OSTM1: variants seen among roughly 807,000 people sequenced by gnomAD.
The protein encoded by OSTM1 is osteopetrosis-associated transmembrane protein 1.
A neutral mutation model predicts 35.4 loss-of-function variants in OSTM1; 26 were observed. The observed-to-expected ratio is 0.73, with a 90% confidence interval of 0.54 to 1.02. OSTM1 has a LOEUF of 1.02. Ranked by LOEUF, OSTM1 falls within the 50% of genes least tolerant of loss-of-function variation. The probability of loss-of-function intolerance (pLI) is 0.00; values close to 1 mark genes in which losing one functional copy is unlikely to be tolerated. For synonymous variants in OSTM1, 181 were observed against 165.0 expected, an observed-to-expected ratio of 1.10 and a Z score of -0.75; for missense variants, 366 against 409.6, an observed-to-expected ratio of 0.89 and a Z score of 0.92.
intron 2 of OSTM1, among the ~76,000 whole-genome samples, chr6:108,063,393 A>G (rs563105411): frequency 6.6e-5 from 10 of 152,296 alleles, no homozygotes; most frequent in African/African-American, 2.2e-4. Flanking sequence ...AGTCATTTCA[A>G]ATTCTCCCCA....
At chr6:108,066,217 G>A (rs1029045401) in intron 1 of OSTM1, among the ~76,000 whole-genome samples, 6 of 152,144 alleles carry the variant, frequency 3.9e-5, no homozygotes, top group Non-Finnish European at 7.3e-5. Context: ...TCTTTAGGCC[G>A]TGATATGTAG....
rs946980205 is a variant in OSTM1, at chr6:108,074,729, G to A, written c.-78C>T. On this transcript the variant is annotated 5_prime_UTR_variant, in exon 1 of 6. Transcript: ENST00000193322. ...GGCACCGCGGACAGCCGCCGCTTCC[G>A]GTTTCCGCGAGCGCAGGCCGAGAGC... The A allele has an allele frequency of 7.1e-7, 1 of 1,402,738 alleles. No individual in the cohort carries two copies. The highest frequency in any genetic ancestry group is 9.3e-7 in the Non-Finnish European group (1 of 1,079,930). The allele number at this position is 1,402,738 out of a possible 1,614,324, so 86.9% of individuals were successfully genotyped here.
chr6:108,044,977 A>C, intron 5 of OSTM1, 137 bp from the exon 6 acceptor site: 2 of 438,160 alleles, frequency 4.6e-6, no homozygotes, highest in Non-Finnish European at 7.7e-6. Context: ...TATAAGAATT[A>C]AAACCTAATT....
At position 108,074,591 on chromosome 6, in the gene OSTM1, C is replaced by A. The variant is rs1772557662; in HGVS notation, c.61G>T (p.Gly21Trp). ...RCSLPPWLPL[G>W]LLLWSGLALG... Reference sequence around the variant, plus strand: ...GCCAGCCCCGACCACAGCAGCAGCCCCAGCGGCAGCCACGGCGGCAACGAA... The same window carrying A: ...GCCAGCCCCGACCACAGCAGCAGCCACAGCGGCAGCCACGGCGGCAACGAA... The change falls in exon 1 of 6, where the codon GGG (glycine) becomes TGG (tryptophan). Residue 21 changes from glycine to tryptophan, a missense_variant. Around this residue, in one of 3 missense-constraint regions of OSTM1, gnomAD observed 236 missense variants for 239.3 expected, o/e 0.99. Transcript: ENST00000193322. 1 of 1,565,168 alleles carries A rather than the reference C, an allele frequency of 6.4e-7. No individual in the cohort carries two copies. Among genetic ancestry groups the A allele is most frequent in the Non-Finnish European group, 8.6e-7 (1 of 1,160,264 alleles).
chr6:108,048,993 C>T (rs1340098079), intron 5 of OSTM1, among the ~76,000 whole-genome samples: 5 of 151,922 alleles, frequency 3.3e-5, no homozygotes, highest in African/African-American at 1.2e-4. Flanking sequence ...CCTCGTGATC[C>T]GCCCACCTCA....
At chr6:108,070,886 G>A (rs1312780280) in intron 1 of OSTM1, among the ~76,000 whole-genome samples, 13 of 112,292 alleles carry the variant, frequency 1.2e-4, no homozygotes, top group African/African-American at 3.1e-4. Context: ...GGGAAACTCC[G>A]TCTCAAAAAA....
intron 3 of OSTM1, among the ~76,000 whole-genome samples, 194 bp from the exon 4 acceptor site, chr6:108,051,392 G>C (rs115875564): frequency 6.6e-6 from 1 of 152,262 alleles, no homozygotes; most frequent in African/African-American, 2.4e-5. Flanking sequence ...ACCTCTACCT[G>C]TATTATAAGT....
chr6:108,065,226 T>C (rs1189890755), intron 1 of OSTM1, among the ~76,000 whole-genome samples: 2 of 150,828 alleles, frequency 1.3e-5, no homozygotes, highest in Non-Finnish European at 2.9e-5. Flanking sequence ...TAGAAGAAAA[T>C]TTTCTATTAT....
At chr6:108,059,997 T>C (rs368550453) in intron 2 of OSTM1, among the ~76,000 whole-genome samples, 2 of 152,366 alleles carry the variant, frequency 1.3e-5, no homozygotes, top group African/African-American at 2.4e-5. Flanking sequence ...ATTAAATGTA[T>C]ATGGCATAAA....
intron 4 of OSTM1, among the ~76,000 whole-genome samples, chr6:108,050,509 G>A (rs528440985): frequency 2.6e-5 from 4 of 152,116 alleles, no homozygotes; most frequent in South Asian, 2.1e-4. Flanking sequence ...GATAACAGGC[G>A]TGTGCCACTA....
rs1389499042 is a variant in OSTM1 at position 108,074,489 on chromosome 6, C to T, written c.163G>A (p.Val55Met). 1.3e-6 allele frequency: 2 copies of T among 1,558,132 alleles called. No homozygotes were observed. The highest frequency in any genetic ancestry group is 2.4e-5 in the East Asian group (1 of 41,440). The change falls in exon 1 of 6, where the codon GTG becomes ATG. Residue 55 changes from valine (V) to methionine (M), a missense_variant. Val to Met is a conservative substitution (Grantham distance 21). Around this residue, in one of 3 missense-constraint regions of OSTM1, gnomAD observed 236 missense variants for 239.3 expected, o/e 0.99. Transcript: ENST00000193322. ...DLLSEQQLLE[V>M]EDLSLSLLQG... ...AGGAGGGACAGGGACAAGTCCTCCA[C>T]CTCCAGCAACTGCTGCTCCGACAGG...
rs148750424 is a variant in OSTM1, at chr6:108,049,329, G to A, written c.873C>T (p.Phe291=). Reference sequence around the variant, plus strand: ...AGAAGACAACAGGTAGAAAGAGAATGAACACAGAAACAGCAATTACAGGCA... The same window carrying A: ...AGAAGACAACAGGTAGAAAGAGAATAAACACAGAAACAGCAATTACAGGCA... The part of the protein sequence containing the change: ...DTVPVIAVSV[F]ILFLPVVFYL... The change falls in exon 5 of 6, where the codon TTC becomes TTT. Residue 291 remains phenylalanine, a synonymous_variant. Transcript: ENST00000193322. 1.9e-6 allele frequency: 3 copies of A among 1,612,760 alleles called. No homozygotes were observed. Among genetic ancestry groups the A allele is most frequent in the Non-Finnish European group, 2.5e-6 (3 of 1,178,934 alleles).
chr6:108,063,771 G>A (rs1772329924), intron 2 of OSTM1, among the ~76,000 whole-genome samples: 2 of 152,076 alleles, frequency 1.3e-5, no homozygotes, highest in Admixed American at 6.6e-5. Context: ...CACTAAATAC[G>A]TGTCAGGCAT....
In OSTM1 at chr6:108,043,447, G is replaced by C. The variant is rs1771907264; in HGVS notation, c.*1338C>G. The C allele has an allele frequency of 1.3e-5, 2 of 152,160 alleles. No individual in the cohort carries two copies. The highest frequency in any genetic ancestry group is 4.1e-4 in the South Asian group (2 of 4,834). 9.4% of individuals were successfully genotyped at this position (152,160 alleles called of 1,614,324 possible). On this transcript the variant is annotated 3_prime_UTR_variant, in exon 6 of 6. Transcript: ENST00000193322. Reference sequence around the variant, plus strand: ...TTGTCTCCCTATAGAGCATTTTATAGTATAGGAAGGGATTCAAATTCTCTT... The same window carrying C: ...TTGTCTCCCTATAGAGCATTTTATACTATAGGAAGGGATTCAAATTCTCTT...
intron 1 of OSTM1, among the ~76,000 whole-genome samples, chr6:108,071,368 C>G (rs992357626): frequency 6.6e-6 from 1 of 150,938 alleles, no homozygotes; most frequent in Non-Finnish European, 1.5e-5. Flanking sequence ...AGTGGTGGCA[C>G]TATCTTGGCT....
At position 108,063,254 on chromosome 6, in the gene OSTM1, A is replaced by G. The variant is rs568612152; in HGVS notation, c.517+931T>C. On this transcript the variant is annotated intron_variant, in intron 2 of 5. Transcript: ENST00000193322. ...AGGCTGGTCTCAAACTCCTGGGCTC[A>G]AGCAATTCTGCCTTGGCTTCCCAAA... 2.6e-5 allele frequency among the ~76,000 whole-genome samples: 4 copies of G among 151,974 alleles called. No individual in the cohort carries two copies. The East Asian group carries it at 7.8e-4, about 30-fold the overall frequency.
chr6:108,049,293 G>T lies in OSTM1; in HGVS notation c.909C>A (p.Ser303Arg). ...GTTTCTTTTGCTCTGAGTGAAGAAA[G>T]CTACTAAGGTAGAAGACAACAGGTA... ...LFLPVVFYLS[S>R]FLHSEQKKRK... The change falls in exon 5 of 6, where the codon AGC (serine) becomes AGA (arginine). Residue 303 changes from serine to arginine, a missense_variant. This residue lies in a region of OSTM1 where 125 missense variants were observed against 151.7 expected (regional missense o/e 0.82). Coordinates refer to ENST00000193322, the MANE Select transcript of OSTM1 (RefSeq NM_014028.4). 6.2e-7 allele frequency: 1 copy of T among 1,612,998 alleles called. No homozygotes were observed. Among genetic ancestry groups the T allele is most frequent in the Non-Finnish European group, 8.5e-7 (1 of 1,179,104 alleles).
chr6:108,064,239 C>T lies in OSTM1; in HGVS notation c.463G>A (p.Val155Ile). The stretch of plus-strand genomic sequence containing the variant: ...TTAAAAAATTCTGAGAGAATCACAA[C>T]TATTTGCATTCTATCTGCCATTAAG... ...SLLMADRMQIVVILSEFFNTT... is the reference protein window; with the variant it reads ...SLLMADRMQIIVILSEFFNTT... The change falls in exon 2 of 6, where the codon GTT becomes ATT. Residue 155 changes from valine to isoleucine, a missense_variant. Around this residue, in one of 3 missense-constraint regions of OSTM1, gnomAD observed 236 missense variants for 239.3 expected, o/e 0.99. Transcript: ENST00000193322. The T allele has an allele frequency of 1.2e-6, 2 of 1,607,260 alleles. No individual in the cohort carries two copies. The highest frequency in any genetic ancestry group is 1.7e-6 in the Non-Finnish European group (2 of 1,175,746).
At position 108,064,213 on chromosome 6, in the gene OSTM1, A is replaced by G. The variant is rs780075878; in HGVS notation, c.489T>C (p.Asn163=). ...QIVVILSEFF[N]TTWQEANCAN... The stretch of plus-strand genomic sequence containing the variant: ...CACAATTTGCCTCCTGCCATGTGGT[A>G]TTAAAAAATTCTGAGAGAATCACAA... Residue 163 remains asparagine (N), a synonymous_variant, in exon 2 of 6, where the codon AAT becomes AAC. Coordinates refer to ENST00000193322, the MANE Select transcript of OSTM1 (RefSeq NM_014028.4). 6.3e-7 allele frequency: 1 copy of G among 1,595,812 alleles called. No homozygotes were observed. Among genetic ancestry groups the G allele is most frequent in the South Asian group, 1.1e-5 (1 of 90,706 alleles).
Sources: gnomAD v4.1 joint callset for allele counts (sites outside exome capture counted in the v4.1 genomes callset) on GRCh38, gnomAD v4.1.1 for gene constraint, gnomAD v4.1.1 regional missense constraint, MANE v1.5 for transcripts, NCBI Gene and HGNC (gene_info 2026-07-23, HGNC 2026-07-21) for gene names.